PC: variants seen among roughly 807,000 people sequenced by gnomAD.
PC encodes pyruvate carboxylase, mitochondrial.
PC carries 46 observed loss-of-function variants against 107.8 expected under a neutral mutation model. The observed-to-expected ratio is 0.43, with a 90% CI of 0.34 to 0.55. The LOEUF (loss-of-function observed/expected upper bound fraction) is 0.55, where lower values mean the gene tolerates loss of function less well. Ranked by LOEUF, PC falls within the 20% of genes least tolerant of loss-of-function variation. The probability of loss-of-function intolerance (pLI) is 0.04; values close to 1 mark genes in which losing one functional copy is unlikely to be tolerated. For synonymous variants in PC, 662 were observed against 684.7 expected (o/e 0.97, Z 0.52); for missense variants, 1,241 against 1,643.1 (o/e 0.76, Z 4.23).
chr11:66,893,233 GCATATTTATGCCACAGAAATTGGCAAA>G (rs1947637851), intron 3 of PC, among the ~76,000 whole-genome samples: 1 of 152,162 alleles, frequency 6.6e-6, no homozygotes, highest in African/African-American at 2.4e-5. Flanking sequence ...GCCACAGTGG[GCATATTTATGCCACAGAAATTGGCAAA>G]CACTATAATC....
intron 3 of PC, among the ~76,000 whole-genome samples, chr11:66,890,292 T>G (rs1947520202): frequency 6.6e-6 from 1 of 152,308 alleles, no homozygotes; most frequent in South Asian, 2.1e-4. Flanking sequence ...TTGCACTTTC[T>G]GGTCTTTAGG....
chr11:66,878,098 T>TTC (rs1333443425), intron 3 of PC, among the ~76,000 whole-genome samples: 1 of 151,940 alleles, frequency 6.6e-6, no homozygotes, highest in African/African-American at 2.4e-5. Flanking sequence ...ACTCCTTGGG[T>TTC]GGGAGGACTT....
At chr11:66,895,686 CAAAG>C (rs1001136004) in intron 3 of PC, among the ~76,000 whole-genome samples, 15 of 151,648 alleles carry the variant, frequency 9.9e-5, no homozygotes, top group African/African-American at 3.6e-4. Context: ...AGAAAAGAGA[CAAAG>C]AGATGGAAAA....
At chr11:66,859,848 G>A in intron 12 of PC, 1 of 1,565,846 alleles carries the variant, frequency 6.4e-7, no homozygotes, top group Non-Finnish European at 8.7e-7. Context: ...CCTGACCGTG[G>A]CCGTGGGGGG....
At chr11:66,868,385 T>G (rs916891927) in intron 10 of PC, among the ~76,000 whole-genome samples, 1 of 152,222 alleles carries the variant, frequency 6.6e-6, no homozygotes, top group Non-Finnish European at 1.5e-5. Context: ...TATTAAATAA[T>G]TTGAAAAGTA....
At chr11:66,907,092 G>C (rs1174542557) in intron 3 of PC, among the ~76,000 whole-genome samples, 1 of 152,208 alleles carries the variant, frequency 6.6e-6, no homozygotes, top group Admixed American at 6.5e-5. Context: ...TATGAGCAGG[G>C]CCTCCCCATG....
chr11:66,852,777 T>C lies in PC; in HGVS notation c.1573A>G (p.Thr525Ala). ...GGCACTGCAGGGACAACGGGGTCCG[T>C]GGGGCTGGGGCTGGCCTTGACGGGA... The part of the protein sequence containing the change: ...PIPVKASPSP[T>A]DPVVPAVPIG... The change falls in exon 14 of 23, where the codon ACG (threonine) becomes GCG (alanine). Residue 525 changes from threonine to alanine, a missense_variant. Coordinates refer to ENST00000393960, the MANE Select transcript of PC (RefSeq NM_001040716.2). The surrounding 1 kb of genome is among the most constrained non-coding windows in gnomAD (Gnocchi z 4.7). 6.2e-7 allele frequency: 1 copy of C among 1,601,332 alleles called. No individual in the cohort carries two copies. Among genetic ancestry groups the C allele is most frequent in the Admixed American group, 1.7e-5 (1 of 59,336 alleles).
chr11:66,865,918 C>T (rs2135914858), intron 11 of PC, among the ~76,000 whole-genome samples: 1 of 152,282 alleles, frequency 6.6e-6, no homozygotes. Context: ...GTCTGGGTCC[C>T]TGCGTTTTGC....
intron 3 of PC, among the ~76,000 whole-genome samples, chr11:66,912,327 CT>C (rs1948357243): frequency 6.6e-6 from 1 of 152,308 alleles, no homozygotes; most frequent in Non-Finnish European, 1.5e-5. Context: ...ACAGACCCCC[CT>C]GGAACAGACT....
intron 3 of PC, among the ~76,000 whole-genome samples, chr11:66,922,379 A>G (rs1039980622): frequency 6.6e-6 from 1 of 151,922 alleles, no homozygotes; most frequent in Non-Finnish European, 1.5e-5. Flanking sequence ...GTTCGGGACC[A>G]GCTTGGCCAA....
intron 11 of PC, among the ~76,000 whole-genome samples, chr11:66,865,577 C>T (rs928248649): frequency 5.3e-5 from 8 of 152,144 alleles, no homozygotes; most frequent in Admixed American, 2.6e-4. Context: ...CTGGAGAAGG[C>T]GCGAGTCTTG....
At chr11:66,941,871 G>A (rs1455379407) in intron 3 of PC, among the ~76,000 whole-genome samples, 1 of 152,056 alleles carries the variant, frequency 6.6e-6, no homozygotes, top group African/African-American at 2.4e-5. Flanking sequence ...GGGAGGCTGA[G>A]GCGGGCAGAT....
chr11:66,873,915 G>T (rs112679598), intron 3 of PC, among the ~76,000 whole-genome samples: 2 of 151,322 alleles, frequency 1.3e-5, no homozygotes, highest in South Asian at 4.2e-4. Context: ...TTATAGGCAT[G>T]CACCACCATG....
chr11:66,857,641 A>AG lies in PC; in HGVS notation c.1369-4259dup. On this transcript the variant is annotated intron_variant, in intron 12 of 22. Coordinates refer to ENST00000393960, the MANE Select transcript of PC (RefSeq NM_001040716.2). This position sits in a 1 kb window ranked among gnomAD's most constrained non-coding sequence, Gnocchi z 7.1. Reference sequence around the variant, plus strand: ...CTCTGACCCAGCCCCTCCCCGGGCCAGGCTCACAGAAGCTGGCTTCTGGGA... The same window carrying AG: ...CTCTGACCCAGCCCCTCCCCGGGCCAGGGCTCACAGAAGCTGGCTTCTGGGA... 1 of 1,305,832 alleles carries AG rather than the reference A, an allele frequency of 7.7e-7. No homozygotes were observed. Among genetic ancestry groups the AG allele is most frequent in the South Asian group, 1.5e-5 (1 of 66,098 alleles). The allele number at this position is 1,305,832 out of a possible 1,614,324, so 80.9% of individuals were successfully genotyped here.
At chr11:66,914,981 A>G (rs964293338) in intron 3 of PC, among the ~76,000 whole-genome samples, 4 of 152,038 alleles carry the variant, frequency 2.6e-5, no homozygotes, top group Non-Finnish European at 4.4e-5. Flanking sequence ...GCAGTGAGCT[A>G]TGATGGTGCC....
At chr11:66,873,295 G>A (rs1047780065) in intron 3 of PC, among the ~76,000 whole-genome samples, 7 of 139,404 alleles carry the variant, frequency 5.0e-5, no homozygotes, top group Non-Finnish European at 9.0e-5. Flanking sequence ...AGCTGAGATG[G>A]CACCACTGTA....
chr11:66,873,372 T>C (rs1255935166), intron 3 of PC, among the ~76,000 whole-genome samples: 2 of 109,380 alleles, frequency 1.8e-5, no homozygotes, highest in African/African-American at 3.5e-5. Context: ...TAATATATTA[T>C]ATATAAAATA....
Position 66,857,659 on chromosome 11 carries a change from T to G in PC, c.1369-4276A>C. Reference sequence around the variant, plus strand: ...CCGGGCCAGGCTCACAGAAGCTGGCTTCTGGGACTGTCCTGGGCCCAAGTG... The same window carrying G: ...CCGGGCCAGGCTCACAGAAGCTGGCGTCTGGGACTGTCCTGGGCCCAAGTG... On this transcript the variant is annotated intron_variant, in intron 12 of 22. Coordinates refer to ENST00000393960, the MANE Select transcript of PC (RefSeq NM_001040716.2). The surrounding 1 kb of genome is among the most constrained non-coding windows in gnomAD (Gnocchi z 7.1). 1 of 1,419,524 alleles carries G rather than the reference T, an allele frequency of 7.0e-7. No individual in the cohort carries two copies. Among genetic ancestry groups the G allele is most frequent in the Non-Finnish European group, 9.3e-7 (1 of 1,070,206 alleles). 87.9% of individuals were successfully genotyped at this position (1,419,524 alleles called of 1,614,324 possible). A position where few individuals can be genotyped will look rare whatever the true frequency, so the allele number is the denominator to read the frequency against.
chr11:66,913,422 C>T (rs999749978), intron 3 of PC, among the ~76,000 whole-genome samples: 3 of 151,944 alleles, frequency 2.0e-5, no homozygotes, highest in Non-Finnish European at 1.5e-5. Context: ...CAGTGGCTCA[C>T]GCTTGTAATC....
Sources: gnomAD v4.1 joint callset for allele counts (sites outside exome capture counted in the v4.1 genomes callset) on GRCh38, gnomAD v4.1.1 for gene constraint, Gnocchi (gnomAD v3.1) non-coding constraint, MANE v1.5 for transcripts, NCBI Gene and HGNC (gene_info 2026-07-23, HGNC 2026-07-21) for gene names.